RIMBP2: variants seen among roughly 807,000 people sequenced by gnomAD.
RIMBP2 encodes RIMS binding protein 2.
In RIMBP2, 48 loss-of-function variants were observed where a neutral mutation model predicts 118.6. The ratio of observed to expected loss-of-function variants is 0.40; its 90% CI spans 0.32 to 0.51. RIMBP2 has a LOEUF of 0.51. RIMBP2 is among the 20% of genes least tolerant of loss of function. The pLI is 0.41. For synonymous variants in RIMBP2, 762 were observed against 742.9 expected (o/e 1.03, Z -0.42); for missense variants, 1,551 against 1,768.3 (o/e 0.88, Z 2.20).
intron 1 of RIMBP2, among the ~76,000 whole-genome samples, chr12:130,680,491 A>C (rs1001747593): frequency 2.6e-5 from 4 of 152,214 alleles, no homozygotes; most frequent in African/African-American, 9.6e-5. Context: ...GTGGGAACAC[A>C]CACTCAGATA....
At chr12:130,484,194 G>A (rs1035438348) in intron 4 of RIMBP2, among the ~76,000 whole-genome samples, 6 of 152,182 alleles carry the variant, frequency 3.9e-5, no homozygotes, top group Admixed American at 2.0e-4. Flanking sequence ...CCTCGGTGGG[G>A]AGTAAAGCGG....
chr12:130,499,577 C>T (rs11060955), intron 4 of RIMBP2, among the ~76,000 whole-genome samples: 29,640 of 152,048 alleles, frequency 0.19, 3,559 homozygotes, highest in Non-Finnish European at 0.26. Context: ...TCCCCGTGTT[C>T]ATTCTACTCC....
chr12:130,675,539 ACCCCCATGCCTCCAGGCCG>A (rs1192288220), intron 1 of RIMBP2, among the ~76,000 whole-genome samples: 3 of 368 alleles, frequency 8.2e-3, no homozygotes, highest in South Asian at 0.2. Context: ...CCTTCCGTCC[ACCCCCATGCCTCCAGGCCG>A]TCCACCCCCA....
Position 130,573,398 on chromosome 12 carries a change from GTGTGCGAC to G in RIMBP2, c.-217+54916_-217+54923del, listed in dbSNP as rs1593857243. On this transcript the variant is annotated intron_variant, in intron 2 of 22. Coordinates refer to ENST00000690449, the MANE Select transcript of RIMBP2 (RefSeq NM_001393629.1). ...AAGACAGATAAGTGTTCGCGCGTGT[GTGTGCGAC>G]TGTGTGCGTGTGAGTGTGTGCGTGG... Among the ~76,000 whole-genome samples the G allele has an allele frequency of 9.3e-5, 14 of 150,924 alleles. 1 individual carries two copies. The East Asian group carries it at 2.7e-3, about 29-fold the overall frequency.
chr12:130,684,695 G>A (rs1167713659), intron 1 of RIMBP2, among the ~76,000 whole-genome samples: 3 of 152,144 alleles, frequency 2.0e-5, no homozygotes, highest in Non-Finnish European at 2.9e-5. Context: ...TAATAATATC[G>A]ATTCTTGCAA....
intron 4 of RIMBP2, among the ~76,000 whole-genome samples, chr12:130,486,345 C>T (rs1285372393): frequency 2.6e-5 from 4 of 152,194 alleles, no homozygotes; most frequent in African/African-American, 4.8e-5. Context: ...AATGACCTCC[C>T]GCTGATCTCT....
chr12:130,681,571 TA>T (rs1210027674), intron 1 of RIMBP2, among the ~76,000 whole-genome samples: 1 of 152,210 alleles, frequency 6.6e-6, no homozygotes, highest in African/African-American at 2.4e-5. Flanking sequence ...TTCATGTTAA[TA>T]AGCCAAGTTT....
At chr12:130,605,793 G>A (rs1309226892) in intron 2 of RIMBP2, among the ~76,000 whole-genome samples, 2 of 152,214 alleles carry the variant, frequency 1.3e-5, no homozygotes, top group East Asian at 3.8e-4. Context: ...GCCAGGCACA[G>A]TGGCCCACAC....
At chr12:130,439,677 G>A (rs1235397872) in intron 11 of RIMBP2, among the ~76,000 whole-genome samples, 3 of 118,760 alleles carry the variant, frequency 2.5e-5, no homozygotes, top group Admixed American at 8.4e-5. Flanking sequence ...TGTGGGGGGT[G>A]TATGTGTTTT....
chr12:130,456,385 T>C, intron 7 of RIMBP2, 111 bp downstream of exon 7: 1 of 886,870 alleles, frequency 1.1e-6, no homozygotes. Context: ...GGCGGGTCCC[T>C]GTACCCTCTG....
intron 21 of RIMBP2, among the ~76,000 whole-genome samples, chr12:130,402,993 G>C (rs2074788696): frequency 6.6e-6 from 1 of 152,194 alleles, no homozygotes; most frequent in Non-Finnish European, 1.5e-5. Flanking sequence ...AGGAGGAAAA[G>C]GCCAGGGAGG....
At chr12:130,604,945 G>T (rs1032781262) in intron 2 of RIMBP2, among the ~76,000 whole-genome samples, 1 of 151,602 alleles carries the variant, frequency 6.6e-6, no homozygotes, top group Non-Finnish European at 1.5e-5. Flanking sequence ...GATATGTTCA[G>T]ATAGACACAT....
chr12:130,501,567 C>G (rs758614468), intron 4 of RIMBP2, among the ~76,000 whole-genome samples: 17 of 152,250 alleles, frequency 1.1e-4, no homozygotes, highest in Non-Finnish European at 2.9e-5. Flanking sequence ...TCGCCCCTTT[C>G]CATGTCAGTG....
At chr12:130,451,907 C>G (rs780694731) in intron 7 of RIMBP2, among the ~76,000 whole-genome samples, 1 of 152,200 alleles carries the variant, frequency 6.6e-6, no homozygotes, top group African/African-American at 2.4e-5. Context: ...TGAGTCCTAA[C>G]TGGCCAAAGG....
At chr12:130,552,367 A>T (rs970905156) in intron 2 of RIMBP2, among the ~76,000 whole-genome samples, 1 of 152,248 alleles carries the variant, frequency 6.6e-6, no homozygotes, top group Non-Finnish European at 1.5e-5. Context: ...AGTCACTTGA[A>T]AAGTAAATAA....
Position 130,400,375 on chromosome 12 carries a change from T to A in RIMBP2, c.3766-562A>T, listed in dbSNP as rs533878302. On this transcript the variant is annotated intron_variant, in intron 21 of 22. Transcript: ENST00000690449. ...AAAATGAAAGTGTCTGTTGATAACC[T>A]CCTCAGACATTACTGCTTCAGGTTG... Among the ~76,000 whole-genome samples, 3 of 152,332 alleles carry A rather than the reference T, an allele frequency of 2.0e-5. No individual in the cohort carries two copies. The South Asian group carries it at 6.2e-4, about 32-fold the overall frequency.
chr12:130,557,944 G>T (rs999967502), intron 2 of RIMBP2, among the ~76,000 whole-genome samples: 1 of 152,100 alleles, frequency 6.6e-6, no homozygotes, highest in East Asian at 1.9e-4. Context: ...TGCGACCCCG[G>T]TTCCTCACCT....
At chr12:130,480,787 T>C (rs574170970) in intron 4 of RIMBP2, among the ~76,000 whole-genome samples, 2 of 152,222 alleles carry the variant, frequency 1.3e-5, no homozygotes, top group South Asian at 2.1e-4. Flanking sequence ...TTTTAGTAGA[T>C]ACAGGGTTTT....
At chr12:130,641,760 C>T (rs991435690) in intron 1 of RIMBP2, among the ~76,000 whole-genome samples, 1 of 152,100 alleles carries the variant, frequency 6.6e-6, no homozygotes, top group African/African-American at 2.4e-5. Flanking sequence ...ACCTCATGCC[C>T]CTTATGCTTG....
Sources: gnomAD v4.1 joint callset for allele counts (sites outside exome capture counted in the v4.1 genomes callset) on GRCh38, gnomAD v4.1.1 for gene constraint, MANE v1.5 for transcripts, NCBI Gene and HGNC (gene_info 2026-07-23, HGNC 2026-07-21) for gene names.